The following SAMD12 variants were observed in gnomAD, a reference collection of about 807,000 sequenced individuals.
SAMD12 encodes the protein sterile alpha motif domain containing 12.
A neutral mutation model predicts 15.0 loss-of-function variants in SAMD12; 9 were observed. The ratio of observed to expected loss-of-function variants is 0.60; its 90% CI spans 0.36 to 1.05. The LOEUF (loss-of-function observed/expected upper bound fraction) is 1.05. Ranked by LOEUF, SAMD12 falls within the 50% of genes least tolerant of loss-of-function variation. SAMD12 has a pLI of 0.01. For missense variants in SAMD12, 230 were observed against 234.2 expected (o/e 0.98, Z 0.12); for synonymous variants, 86 against 90.1 (o/e 0.96, Z 0.25).
intron 3 of SAMD12, among the ~76,000 whole-genome samples, chr8:118,388,144 A>G (rs1166384113): frequency 2.0e-5 from 3 of 152,210 alleles, no homozygotes; most frequent in African/African-American, 7.2e-5. Context: ...AGGGAACAGC[A>G]TAGGCAAAGA....
At chr8:118,298,201 T>C (rs1563743642) in intron 4 of SAMD12, among the ~76,000 whole-genome samples, 1 of 152,230 alleles carries the variant, frequency 6.6e-6, no homozygotes, top group Non-Finnish European at 1.5e-5. Flanking sequence ...CTTTAAGAAA[T>C]ACAAGTACAT....
intron 2 of SAMD12, among the ~76,000 whole-genome samples, chr8:118,559,369 A>G (rs1201206734): frequency 6.6e-6 from 1 of 152,208 alleles, no homozygotes; most frequent in Non-Finnish European, 1.5e-5. Flanking sequence ...TCCCACCTCC[A>G]ACCACAAATG....
At chr8:118,501,841 C>A (rs558673025) in intron 2 of SAMD12, among the ~76,000 whole-genome samples, 2 of 152,174 alleles carry the variant, frequency 1.3e-5, no homozygotes, top group South Asian at 4.1e-4. Context: ...ACGGTGAAAC[C>A]CTGTCTCTAC....
intron 3 of SAMD12, among the ~76,000 whole-genome samples, chr8:118,384,737 A>C (rs2130730668): frequency 6.6e-6 from 1 of 152,354 alleles, no homozygotes; most frequent in African/African-American, 2.4e-5. Flanking sequence ...GACAGAATTA[A>C]ACAAAGAAAA....
At chr8:118,265,467 G>A (rs1813176019) in intron 4 of SAMD12, among the ~76,000 whole-genome samples, 1 of 151,958 alleles carries the variant, frequency 6.6e-6, no homozygotes, top group South Asian at 2.1e-4. Flanking sequence ...GATGAATGGA[G>A]GTGAATACAA....
intron 2 of SAMD12, among the ~76,000 whole-genome samples, chr8:118,520,084 G>A (rs1374476288): frequency 6.6e-6 from 1 of 152,140 alleles, no homozygotes; most frequent in African/African-American, 2.4e-5. Context: ...GAGCTGAGAG[G>A]GGAACTGAGG....
the SAMD12 span, among the ~76,000 whole-genome samples, chr8:118,180,432 C>G: frequency 6.6e-6 from 1 of 152,180 alleles, no homozygotes. Flanking sequence ...ATTCCTGCCC[C>G]CAACCCGCTG....
chr8:118,143,016 T>G, the SAMD12 span, among the ~76,000 whole-genome samples: 1 of 152,206 alleles, frequency 6.6e-6, no homozygotes, highest in Non-Finnish European at 1.5e-5. Flanking sequence ...GTAAACCTCT[T>G]CTGGTTGAGT....
At chr8:118,443,021 T>A (rs970033469) in intron 2 of SAMD12, among the ~76,000 whole-genome samples, 1 of 152,190 alleles carries the variant, frequency 6.6e-6, no homozygotes, top group Non-Finnish European at 1.5e-5. Flanking sequence ...CCACCATGTA[T>A]GCTTTTGTTC....
intron 2 of SAMD12, among the ~76,000 whole-genome samples, chr8:118,496,143 A>C (rs1202367321): frequency 6.6e-6 from 1 of 152,232 alleles, no homozygotes; most frequent in Non-Finnish European, 1.5e-5. Context: ...TGCCCAAGGC[A>C]ATTTATGGAT....
intron 4 of SAMD12, among the ~76,000 whole-genome samples, chr8:118,240,491 C>T (rs189686879): frequency 2.0e-5 from 3 of 152,224 alleles, no homozygotes; most frequent in African/African-American, 4.8e-5. Context: ...TTTGTAACCT[C>T]GGGCAACTCA....
At chr8:118,618,250 C>G (rs1392076734) in intron 1 of SAMD12, among the ~76,000 whole-genome samples, 1 of 152,048 alleles carries the variant, frequency 6.6e-6, no homozygotes, top group South Asian at 2.1e-4. Flanking sequence ...AAACAAAGGG[C>G]ACCTCTTTTT....
intron 3 of SAMD12, among the ~76,000 whole-genome samples, chr8:118,438,416 A>G (rs1822637065): frequency 1.3e-5 from 1 of 75,290 alleles, no homozygotes; most frequent in Middle Eastern, 7.6e-3. Flanking sequence ...AATGTTTAAA[A>G]AAAATTTTTT....
downstream of SAMD12, among the ~76,000 whole-genome samples, chr8:118,187,956 T>C (rs1027882957): frequency 2.6e-5 from 4 of 151,912 alleles, no homozygotes; most frequent in African/African-American, 9.7e-5. Flanking sequence ...TGAGCAATTA[T>C]AATGTGCCAA....
At chr8:118,613,836 G>C (rs1828167004) in intron 1 of SAMD12, among the ~76,000 whole-genome samples, 1 of 152,188 alleles carries the variant, frequency 6.6e-6, no homozygotes, top group South Asian at 2.1e-4. Flanking sequence ...GACAATCAGA[G>C]AGAGGCCAGC....
intron 2 of SAMD12, among the ~76,000 whole-genome samples, chr8:118,571,183 C>G (rs1314112311): frequency 6.6e-6 from 1 of 152,064 alleles, no homozygotes; most frequent in Admixed American, 6.5e-5. Context: ...TGAAAAGATA[C>G]CCAGAAATGT....
intron 2 of SAMD12, among the ~76,000 whole-genome samples, chr8:118,578,306 T>C (rs370559629): frequency 1.4e-4 from 21 of 152,336 alleles, no homozygotes; most frequent in African/African-American, 1.9e-4. Flanking sequence ...CTATTTTCAA[T>C]GTGTTCTCCT....
intron 4 of SAMD12, among the ~76,000 whole-genome samples, chr8:118,210,882 G>C (rs562720950): frequency 6.6e-6 from 1 of 152,292 alleles, no homozygotes; most frequent in East Asian, 1.9e-4. Context: ...ACATGATTTT[G>C]TTGAATGAAT....
chr8:118,397,602 C>T (rs1820648396), intron 3 of SAMD12, among the ~76,000 whole-genome samples: 1 of 152,084 alleles, frequency 6.6e-6, no homozygotes, highest in African/African-American at 2.4e-5. Flanking sequence ...AAAGAAATTA[C>T]ATTGAAATTG....
Sources: gnomAD v4.1 joint callset for allele counts (sites outside exome capture counted in the v4.1 genomes callset) on GRCh38, gnomAD v4.1.1 for gene constraint, MANE v1.5 for transcripts, NCBI Gene and HGNC (gene_info 2026-07-23, HGNC 2026-07-21) for gene names.